GALNS: variants seen among roughly 807,000 people sequenced by gnomAD.
The protein encoded by GALNS is N-acetylgalactosamine-6-sulfatase.
In GALNS, 65 loss-of-function variants were observed where a neutral mutation model predicts 65.9. The observed-to-expected ratio is 0.99, with a 90% CI of 0.81 to 1.21. GALNS has a LOEUF of 1.21. Among genes scored for constraint, GALNS ranks in the 50% most tolerant of loss-of-function variants. The probability of loss-of-function intolerance (pLI) is 0.00; values close to 1 mark genes in which losing one functional copy is unlikely to be tolerated. For synonymous variants in GALNS, 346 were observed against 288.9 expected (o/e 1.20, Z -2.00); for missense variants, 776 against 700.7 (o/e 1.11, Z -1.21).
Position 88,840,917 on chromosome 16 carries a change from G to C in GALNS, c.422+75C>G, listed in dbSNP as rs185937338. 224 of 1,153,410 alleles carry C rather than the reference G, an allele frequency of 1.9e-4. No individual in the cohort carries two copies. In the African/African-American group the frequency reaches 2.9e-3, roughly 15 times the overall value. 71.4% of individuals were successfully genotyped at this position (1,153,410 alleles called of 1,614,324 possible). A position where few individuals can be genotyped will look rare whatever the true frequency, so the allele number is the denominator to read the frequency against. On this transcript the variant is annotated intron_variant, in intron 4 of 13. Transcript: ENST00000268695. The stretch of plus-strand genomic sequence containing the variant: ...ACACCCTCCTCATTTGGAAACTTGT[G>C]GCCATGTCCCTTGGAACCAAGGCCA...
intron 13 of GALNS, chr16:88,815,228 G>A (rs891873500): frequency 1.2e-5 from 12 of 985,238 alleles, no homozygotes; most frequent in African/African-American, 1.0e-4. Context: ...AGAACTTGGT[G>A]GGGAGGTCCC....
chr16:88,838,029 G>A, intron 4 of GALNS: 1 of 490,224 alleles, frequency 2.0e-6, no homozygotes, highest in Non-Finnish European at 3.7e-6. Context: ...CCTGCACGGT[G>A]AAGGGTGGTG....
chr16:88,814,674 A>C (rs2142968096), intron 13 of GALNS, 149 bp from the exon 14 acceptor site: 2 of 1,279,666 alleles, frequency 1.6e-6, no homozygotes, highest in East Asian at 2.6e-5. Flanking sequence ...GCTCACTGCA[A>C]CCTCTGCCTT....
In GALNS at chr16:88,831,989, C is replaced by G. The variant is rs770638932; in HGVS notation, c.1002+9G>C. 3 of 1,611,778 alleles carry G rather than the reference C, an allele frequency of 1.9e-6. No homozygotes were observed. Among genetic ancestry groups the G allele is most frequent in the South Asian group, 1.1e-5 (1 of 91,000 alleles). On this transcript the variant is annotated intron_variant, in intron 9 of 13. Coordinates refer to ENST00000268695, the MANE Select transcript of GALNS (RefSeq NM_000512.5). ...CTGCTGCCCGGCAGACCGGTGGACGCTGACTCACCTGGCCTGCAGTGACGT... is the reference window on the plus strand; with the variant it reads ...CTGCTGCCCGGCAGACCGGTGGACGGTGACTCACCTGGCCTGCAGTGACGT...
intron 1 of GALNS, chr16:88,843,463 C>T (rs910230074): frequency 5.5e-5 from 19 of 345,452 alleles, no homozygotes; most frequent in Non-Finnish European, 9.2e-5. Flanking sequence ...GTGCGGCCGG[C>T]GTGTACTACG....
At chr16:88,829,820 C>G (rs1016065409) in intron 9 of GALNS, among the ~76,000 whole-genome samples, 2 of 152,218 alleles carry the variant, frequency 1.3e-5, no homozygotes, top group African/African-American at 4.8e-5. Flanking sequence ...AGGCGCGCGA[C>G]CAGGCCAGGC....
At chr16:88,816,291 C>G in intron 13 of GALNS, 1 of 985,402 alleles carries the variant, frequency 1.0e-6, no homozygotes, top group South Asian at 4.7e-5. Context: ...CAGCCTGGGT[C>G]GTAGAGAAGG....
At chr16:88,834,250 A>C (rs1911827318) in intron 8 of GALNS, among the ~76,000 whole-genome samples, 1 of 152,144 alleles carries the variant, frequency 6.6e-6, no homozygotes. Flanking sequence ...TGAAACTCTG[A>C]AGCCCCCAAT....
chr16:88,815,909 G>A, intron 13 of GALNS: 1 of 985,418 alleles, frequency 1.0e-6, no homozygotes, highest in African/African-American at 1.7e-5. Flanking sequence ...AGAAGCAGGG[G>A]TCCAGGTGGC....
chr16:88,839,599 CCCCTACTG>C (rs1036600275), intron 4 of GALNS, among the ~76,000 whole-genome samples: 44 of 152,346 alleles, frequency 2.9e-4, no homozygotes, highest in Non-Finnish European at 2.5e-4. Flanking sequence ...GCTGACAACA[CCCCTACTG>C]CCCTGAGAGG....
chr16:88,842,847 G>A lies in GALNS; in HGVS notation c.121-18C>T, dbSNP rs200396173. On this transcript the variant is annotated intron_variant, in intron 1 of 13. Coordinates refer to ENST00000268695, the MANE Select transcript of GALNS (RefSeq NM_000512.5). The stretch of plus-strand genomic sequence containing the variant: ...CATCCCATCTGCAGGGAAGAGCACG[G>A]GGAGGAGGAATGAGCGCCTTCTGCA... 20 of 1,612,408 alleles carry A rather than the reference G, an allele frequency of 1.2e-5. No individual in the cohort carries two copies. The African/African-American group carries it at 1.6e-4, about 13-fold the overall frequency.
intron 13 of GALNS, chr16:88,817,030 G>C: frequency 1.0e-6 from 1 of 985,436 alleles, no homozygotes; most frequent in Non-Finnish European, 1.2e-6. Context: ...GCTCGTTTTT[G>C]CCGACTAGAG....
intron 8 of GALNS, among the ~76,000 whole-genome samples, chr16:88,833,371 AG>A (rs1911718086): frequency 6.6e-6 from 1 of 151,858 alleles, no homozygotes; most frequent in Non-Finnish European, 1.5e-5. Context: ...GGCCACTTCT[AG>A]GGGACACTCA....
chr16:88,818,029 T>C lies in GALNS; in HGVS notation c.1460A>G (p.Asn487Ser), dbSNP rs118204440. ...EALVPAQPQL[N>S]VCNWAVMNWA... ...TACCATGACCGCCCAGTTGCACACG[T>C]TGAGCTGGGGCTGCGCGGGGACCAA... The change falls in exon 13 of 14, where the codon AAC becomes AGC. Residue 487 changes from asparagine (N) to serine (S), a missense_variant. Physicochemically the swap from Asn to Ser is conservative, Grantham distance 46. Transcript: ENST00000268695. 7 of 1,583,390 alleles carry C rather than the reference T, an allele frequency of 4.4e-6. No individual in the cohort carries two copies. Among genetic ancestry groups the C allele is most frequent in the South Asian group, 2.3e-5 (2 of 87,196 alleles).
intron 12 of GALNS, among the ~76,000 whole-genome samples, 161 bp from the exon 13 acceptor site, chr16:88,818,285 C>CCCTA (rs1909850364): frequency 6.6e-6 from 1 of 152,136 alleles, no homozygotes; most frequent in Non-Finnish European, 1.5e-5. Context: ...CCGGGCCTCG[C>CCCTA]TAGGACAGGC....
rs201153945 is a variant in GALNS, at chr16:88,814,468, T to C, written c.1540A>G (p.Ile514Val). ...TGGGACCAGAGGCACTTCTTGGGAA[T>C]GGATTCTGGAGGTGTCAGACACTTC... ...LGKCLTPPESIPKKCLWSH is the reference protein window; with the variant it reads ...LGKCLTPPESVPKKCLWSH Residue 514 changes from isoleucine (I) to valine (V), a missense_variant, in exon 14 of 14, where the codon ATT becomes GTT. Coordinates refer to ENST00000268695, the MANE Select transcript of GALNS (RefSeq NM_000512.5). The C allele has an allele frequency of 5.4e-5, 84 of 1,563,864 alleles. No homozygotes were observed. Among genetic ancestry groups the C allele is most frequent in the Non-Finnish European group, 6.6e-5 (76 of 1,153,526 alleles).
intron 1 of GALNS, among the ~76,000 whole-genome samples, chr16:88,847,944 G>A (rs929367314): frequency 2.0e-5 from 3 of 152,206 alleles, no homozygotes; most frequent in Admixed American, 6.5e-5. Context: ...GGAAACACCC[G>A]GATGCCCATC....
In GALNS at chr16:88,813,902, G is replaced by A. The variant is rs909259837; in HGVS notation, c.*537C>T. 3.3e-5 allele frequency: 6 copies of A among 182,332 alleles called. No homozygotes were observed. The highest frequency in any genetic ancestry group is 4.7e-5 in the Non-Finnish European group (4 of 84,216). 11.3% of individuals were successfully genotyped at this position (182,332 alleles called of 1,614,324 possible). A position where few individuals can be genotyped will look rare whatever the true frequency, so the allele number is the denominator to read the frequency against. ...CCTCTGGGGCTCCCCTGAGACAAAC[G>A]CTTATATGATTGCCCCGTTCCCTTA... On this transcript the variant is annotated 3_prime_UTR_variant, in exon 14 of 14. Coordinates refer to ENST00000268695, the MANE Select transcript of GALNS (RefSeq NM_000512.5).
intron 9 of GALNS, among the ~76,000 whole-genome samples, chr16:88,829,281 C>A (rs1911245378): frequency 6.6e-6 from 1 of 152,224 alleles, no homozygotes; most frequent in African/African-American, 2.4e-5. Flanking sequence ...TCCCTACCCT[C>A]AGGGGGATGG....
Sources: gnomAD v4.1 joint callset for allele counts (sites outside exome capture counted in the v4.1 genomes callset) on GRCh38, gnomAD v4.1.1 for gene constraint, MANE v1.5 for transcripts, NCBI Gene and HGNC (gene_info 2026-07-23, HGNC 2026-07-21) for gene names.